Variants in DIP2C observed in about 807,000 individuals in gnomAD.
DIP2C encodes disco-interacting protein 2 homolog C.
Under a neutral mutation model 192.4 loss-of-function variants are expected in DIP2C, and 33 were observed. That is an observed-to-expected ratio of 0.17 (90% confidence interval 0.13 to 0.23). DIP2C has a LOEUF of 0.23. Among genes scored for constraint, DIP2C ranks in the 10% least tolerant of loss-of-function variants. The pLI is 1.00. For missense variants in DIP2C, 1,537 were observed against 2,110.1 expected, an observed-to-expected ratio of 0.73 and a Z score of 5.32; for synonymous variants, 979 against 864.1, an observed-to-expected ratio of 1.13 and a Z score of -2.33.
intron 1 of DIP2C, among the ~76,000 whole-genome samples, chr10:537,123 G>A (rs1438307975): frequency 2.6e-5 from 4 of 152,182 alleles, no homozygotes; most frequent in Non-Finnish European, 5.9e-5. Context: ...GGGGGAAGAA[G>A]TGAGGGTGGA....
intron 32 of DIP2C, among the ~76,000 whole-genome samples, chr10:308,524 T>C (rs947721959): frequency 6.7e-6 from 1 of 149,590 alleles, no homozygotes; most frequent in African/African-American, 2.6e-5. Flanking sequence ...AGAATTCTTA[T>C]GGGGAGTCAG....
chr10:558,490 G>A (rs1849027061), intron 1 of DIP2C, among the ~76,000 whole-genome samples: 1 of 152,230 alleles, frequency 6.6e-6, no homozygotes, highest in African/African-American at 2.4e-5. Context: ...CACCCTCGAT[G>A]TAGATACGGG....
chr10:530,702 GTTGA>G (rs1225692884), intron 1 of DIP2C, among the ~76,000 whole-genome samples: 6 of 148,616 alleles, frequency 4.0e-5, no homozygotes, highest in African/African-American at 1.5e-4. Flanking sequence ...TAATGAAAAG[GTTGA>G]TTAATACAAT....
intron 1 of DIP2C, among the ~76,000 whole-genome samples, chr10:552,757 G>A (rs1329877759): frequency 6.6e-6 from 1 of 152,230 alleles, no homozygotes; most frequent in African/African-American, 2.4e-5. Context: ...GCTGAGGCAG[G>A]AGAACAGTGT....
rs75804416 is a variant in DIP2C at position 407,161 on chromosome 10, C to T, written c.1149+1765G>A. 6.0e-3 allele frequency among the ~76,000 whole-genome samples: 914 copies of T among 152,338 alleles called. 3 individuals carry two copies. The highest frequency in any genetic ancestry group is 0.014 in the East Asian group (71 of 5,188). ...CATTGCAATCCCCGTCTAGACAAAT[C>T]GGCTCTGGCCAGGCAGCGGGCAAGG... On this transcript the variant is annotated intron_variant, in intron 9 of 36. Transcript: ENST00000280886.
At chr10:328,081 G>A (rs947027212) in intron 30 of DIP2C, among the ~76,000 whole-genome samples, 5 of 152,270 alleles carry the variant, frequency 3.3e-5, no homozygotes, top group Admixed American at 3.3e-4. Flanking sequence ...GTCAGGCCCT[G>A]CGAACCCTTT....
intron 1 of DIP2C, among the ~76,000 whole-genome samples, chr10:510,316 C>T (rs572537892): frequency 6.6e-6 from 1 of 152,270 alleles, no homozygotes; most frequent in Non-Finnish European, 1.5e-5. Context: ...TCTCCAAGAC[C>T]CCTGCTCTGT....
At chr10:520,334 T>C (rs1846616211) in intron 1 of DIP2C, among the ~76,000 whole-genome samples, 1 of 152,194 alleles carries the variant, frequency 6.6e-6, no homozygotes, top group Non-Finnish European at 1.5e-5. Flanking sequence ...AATACAGCAC[T>C]TTCCGAAGAC....
At chr10:384,971 C>T (rs1962756071) in intron 14 of DIP2C, among the ~76,000 whole-genome samples, 2 of 151,210 alleles carry the variant, frequency 1.3e-5, no homozygotes, top group African/African-American at 4.9e-5. Context: ...TCTCAAGGAG[C>T]ACCACAGACA....
At chr10:497,822 A>C (rs780156383) in intron 1 of DIP2C, among the ~76,000 whole-genome samples, 3 of 152,240 alleles carry the variant, frequency 2.0e-5, no homozygotes, top group Non-Finnish European at 4.4e-5. Context: ...AAGCGCCAAA[A>C]AAAATTAGCT....
rs1855150392 is a variant in DIP2C, at chr10:640,779, G to C, written c.85+48715C>G. On this transcript the variant is annotated intron_variant, in intron 1 of 36. Coordinates refer to ENST00000280886, the MANE Select transcript of DIP2C (RefSeq NM_014974.3). ...GGCGCCGGGAAGAGGGTGGGCGCCG[G>C]GAAGAGGGTGCGCAGGCTCCGAGAA... Among the ~76,000 whole-genome samples the C allele has an allele frequency of 3.7e-5, 4 of 109,404 alleles. 1 individual carries two copies. In the Admixed American group the frequency reaches 4.1e-4, roughly 11 times the overall value. 71.8% of individuals were successfully genotyped at this position (109,404 alleles called of 152,430 possible). A position where few individuals can be genotyped will look rare whatever the true frequency, so the allele number is the denominator to read the frequency against.
chr10:334,437 CAA>C (rs1331724052), intron 29 of DIP2C, among the ~76,000 whole-genome samples: 3 of 150,722 alleles, frequency 2.0e-5, no homozygotes, highest in African/African-American at 2.4e-5. Flanking sequence ...TTTTGATATA[CAA>C]AAGTTTTAAA....
At chr10:552,449 C>G (rs150497219) in intron 1 of DIP2C, among the ~76,000 whole-genome samples, 1 of 152,098 alleles carries the variant, frequency 6.6e-6, no homozygotes, top group Non-Finnish European at 1.5e-5. Context: ...CCTTATTATT[C>G]GAATACATTA....
chr10:338,030 G>A (rs1011197003), intron 29 of DIP2C, among the ~76,000 whole-genome samples: 9 of 152,152 alleles, frequency 5.9e-5, no homozygotes, highest in African/African-American at 2.2e-4. Flanking sequence ...CTAGGCTGAT[G>A]TGTATGCGTG....
chr10:624,385 A>T (rs12414078), intron 1 of DIP2C, among the ~76,000 whole-genome samples: 43,009 of 152,090 alleles, frequency 0.28, 7,651 homozygotes, highest in South Asian at 0.43. Flanking sequence ...TCACAGCCAC[A>T]AGTGCTCCAG....
intron 14 of DIP2C, among the ~76,000 whole-genome samples, chr10:386,081 C>T (rs1362380222): frequency 1.3e-5 from 2 of 152,148 alleles, no homozygotes; most frequent in African/African-American, 2.4e-5. Context: ...GAGGCGGCCC[C>T]GCGACGAGGC....
chr10:485,393 C>CA (rs1470338180), intron 2 of DIP2C, among the ~76,000 whole-genome samples: 4 of 152,218 alleles, frequency 2.6e-5, no homozygotes, highest in Non-Finnish European at 4.4e-5. Flanking sequence ...CCCAGCATTC[C>CA]AGCCCAGCCC....
At chr10:594,779 G>A (rs1392509580) in intron 1 of DIP2C, among the ~76,000 whole-genome samples, 7 of 152,104 alleles carry the variant, frequency 4.6e-5, no homozygotes, top group South Asian at 2.1e-4. Flanking sequence ...CAACCGAGCC[G>A]CAAACCAGGG....
Position 447,499 on chromosome 10 carries a change from G to C in DIP2C, c.269-6503C>G, listed in dbSNP as rs796154343. On this transcript the variant is annotated intron_variant, in intron 3 of 36. Transcript: ENST00000280886. ...TCGATACTCAGGATCACACACAGTG[G>C]GGCAGCAGGACCCGCTCACTCCCAT... Among the ~76,000 whole-genome samples, 856 of 149,036 alleles carry C rather than the reference G, an allele frequency of 5.7e-3. 2 individuals carry two copies. Among genetic ancestry groups the C allele is most frequent in the Admixed American group, 0.035 (515 of 14,538 alleles).
Sources: gnomAD v4.1 joint callset for allele counts (sites outside exome capture counted in the v4.1 genomes callset) on GRCh38, gnomAD v4.1.1 for gene constraint, MANE v1.5 for transcripts, NCBI Gene and HGNC (gene_info 2026-07-23, HGNC 2026-07-21) for gene names.